The following SPINK14 variants were observed in gnomAD, a reference collection of about 807,000 sequenced individuals.
The protein encoded by SPINK14 is serine peptidase inhibitor Kazal type 14 (putative), also known as serine protease inhibitor Kazal-type 14.
SPINK14 carries 6 observed loss-of-function variants against 14.2 expected under a neutral mutation model. That is an observed-to-expected ratio of 0.42 (90% confidence interval 0.23 to 0.83). The LOEUF is 0.83. Among genes scored for constraint, SPINK14 ranks in the 40% least tolerant of loss-of-function variants. The pLI, the probability that SPINK14 is intolerant of heterozygous loss-of-function variation, is 0.28. For synonymous variants in SPINK14, 34 were observed against 36.8 expected (o/e 0.92, Z 0.27); for missense variants, 86 against 108.3 (o/e 0.79, Z 0.91).
At chr5:148,168,974 A>G (rs914826574) in intron 1 of SPINK14, among the ~76,000 whole-genome samples, 19 of 152,170 alleles carry the variant, frequency 1.2e-4, no homozygotes, top group African/African-American at 4.6e-4. Flanking sequence ...GAACAGTTAA[A>G]TGTGGTCCTT....
intron 3 of SPINK14, 133 bp downstream of exon 3, chr5:148,171,106 G>T (rs1755099335): frequency 1.3e-6 from 1 of 794,260 alleles, no homozygotes; most frequent in Non-Finnish European, 2.1e-6. Context: ...GTACGAGGGT[G>T]GTGGATACAC....
chr5:148,175,522 C>T lies in SPINK14; in HGVS notation c.*124C>T, dbSNP rs1755157450. On this transcript the variant is annotated 3_prime_UTR_variant, in exon 5 of 5. Transcript: ENST00000356972. The stretch of plus-strand genomic sequence containing the variant: ...ATGACAAAGAGCTATCACTACTGAG[C>T]TTGTAGCAGATTGTTCAAAGTTCCT... 1.4e-6 allele frequency: 1 copy of T among 712,556 alleles called. No individual in the cohort carries two copies. Among genetic ancestry groups the T allele is most frequent in the Non-Finnish European group, 2.4e-6 (1 of 424,668 alleles). 44.1% of individuals were successfully genotyped at this position (712,556 alleles called of 1,614,324 possible). A position where few individuals can be genotyped will look rare whatever the true frequency, so the allele number is the denominator to read the frequency against.
chr5:148,171,759 G>T (rs1020610827), intron 3 of SPINK14, among the ~76,000 whole-genome samples: 8 of 152,042 alleles, frequency 5.3e-5, no homozygotes, highest in African/African-American at 1.9e-4. Flanking sequence ...CTACCTTCAA[G>T]AGACCCGGGG....
chr5:148,175,244 T>C, intron 4 of SPINK14, 109 bp from the exon 5 acceptor site: 3 of 717,640 alleles, frequency 4.2e-6, no homozygotes, highest in Non-Finnish European at 2.3e-6. Context: ...CTCTGGATCT[T>C]AGTTTTTCCA....
chr5:148,170,101 ATG>A (rs1486687299), intron 2 of SPINK14, among the ~76,000 whole-genome samples: 46 of 40,316 alleles, frequency 1.1e-3, no homozygotes, highest in Non-Finnish European at 2.6e-3. Context: ...ATACACACAC[ATG>A]TATATATATA....
intron 3 of SPINK14, among the ~76,000 whole-genome samples, chr5:148,171,958 T>A (rs1433594505): frequency 3.3e-5 from 5 of 152,168 alleles, no homozygotes; most frequent in Admixed American, 6.6e-5. Context: ...TTTACTTATT[T>A]TCTTTAAAAA....
rs113568126 is a variant in SPINK14, at chr5:148,169,903, A to AAT, written c.67+115_67+116dup. 126 of 736,358 alleles carry AAT rather than the reference A, an allele frequency of 1.7e-4. 1 individual carries two copies. The highest frequency in any genetic ancestry group is 3.9e-4 in the South Asian group (21 of 54,246). The allele number at this position is 736,358 out of a possible 1,614,324, so 45.6% of individuals were successfully genotyped here. On this transcript the variant is annotated intron_variant, in intron 2 of 4. Transcript: ENST00000356972. ...TTGAAATTGTTCTTTAACTGGGATG[A>AAT]ATATATATATATGTGTATATATATA...
Position 148,175,494 on chromosome 5 carries a change from T to G in SPINK14, c.*96T>G. The G allele has an allele frequency of 1.1e-6, 1 of 924,032 alleles. No individual in the cohort carries two copies. The highest frequency in any genetic ancestry group is 1.7e-6 in the Non-Finnish European group (1 of 584,284). 57.2% of individuals were successfully genotyped at this position (924,032 alleles called of 1,614,324 possible). On this transcript the variant is annotated 3_prime_UTR_variant, in exon 5 of 5. Coordinates refer to ENST00000356972, the MANE Select transcript of SPINK14 (RefSeq NM_001001325.2). ...TTTTTACATCTCCTTGCATTTGTTCTTCATGACAAAGAGCTATCACTACTG... is the reference window on the plus strand; with the variant it reads ...TTTTTACATCTCCTTGCATTTGTTCGTCATGACAAAGAGCTATCACTACTG...
chr5:148,171,155 A>C lies in SPINK14; in HGVS notation c.111+182A>C, dbSNP rs558777219. The stretch of plus-strand genomic sequence containing the variant: ...CCCCAGAGTAGAGATCCAAACTTGG[A>C]ACCCAGACAACATTCACTCATACAT... On this transcript the variant is annotated intron_variant, in intron 3 of 4. Transcript: ENST00000356972. Among the ~76,000 whole-genome samples the C allele has an allele frequency of 1.3e-3, 195 of 152,260 alleles. 1 individual carries two copies. Among genetic ancestry groups the C allele is most frequent in the African/African-American group, 4.0e-3 (167 of 41,552 alleles).
chr5:148,173,855 AT>A (rs748334872), intron 3 of SPINK14, among the ~76,000 whole-genome samples: 3,358 of 68,460 alleles, frequency 0.049, 1,014 homozygotes, highest in African/African-American at 0.2. Flanking sequence ...CTATGCTTAG[AT>A]TTTTTTTTTT....
intron 2 of SPINK14, among the ~76,000 whole-genome samples, 167 bp downstream of exon 2, chr5:148,169,966 T>C (rs908440229): frequency 2.5e-5 from 1 of 39,752 alleles, no homozygotes; most frequent in African/African-American, 8.4e-5. Context: ...TGTATATATG[T>C]ATATATATAT....
chr5:148,174,980 C>A (rs1277834846), intron 4 of SPINK14, among the ~76,000 whole-genome samples: 1 of 152,086 alleles, frequency 6.6e-6, no homozygotes, highest in Non-Finnish European at 1.5e-5. Flanking sequence ...GTGCAAGGAG[C>A]AATGACAGGA....
intron 2 of SPINK14, 90 bp from the exon 3 acceptor site, chr5:148,170,840 T>C (rs574885014): frequency 8.8e-6 from 10 of 1,137,420 alleles, no homozygotes; most frequent in South Asian, 1.4e-5. Context: ...ACTTCCTTGA[T>C]AATAAATTAG....
At chr5:148,174,009 T>TAA (rs879797379) in intron 3 of SPINK14, among the ~76,000 whole-genome samples, 8 of 80,524 alleles carry the variant, frequency 9.9e-5, no homozygotes, top group Admixed American at 2.3e-4. Context: ...CCAGGCTAAT[T>TAA]AAAAAAAAAA....
chr5:148,175,527 A>G lies in SPINK14; in HGVS notation c.*129A>G. 1.4e-6 allele frequency: 1 copy of G among 690,754 alleles called. No homozygotes were observed. Among genetic ancestry groups the G allele is most frequent in the East Asian group, 3.0e-5 (1 of 33,650 alleles). The allele number at this position is 690,754 out of a possible 1,614,324, so 42.8% of individuals were successfully genotyped here. On this transcript the variant is annotated 3_prime_UTR_variant, in exon 5 of 5. Transcript: ENST00000356972. ...AAAGAGCTATCACTACTGAGCTTGTAGCAGATTGTTCAAAGTTCCTTCCAT... is the reference window on the plus strand; with the variant it reads ...AAAGAGCTATCACTACTGAGCTTGTGGCAGATTGTTCAAAGTTCCTTCCAT...
At chr5:148,169,633 T>C (rs1215728655) in intron 1 of SPINK14, 28 bp from the exon 2 acceptor site, 2 of 906,898 alleles carry the variant, frequency 2.2e-6, no homozygotes, top group South Asian at 3.3e-5. Flanking sequence ...GTAAAAGTCA[T>C]CTTAAATCCT....
rs760238231 is a variant in SPINK14 at position 148,169,721 on chromosome 5, C to G, written c.-12C>G. On this transcript the variant is annotated 5_prime_UTR_variant, in exon 2 of 5. Coordinates refer to ENST00000356972, the MANE Select transcript of SPINK14 (RefSeq NM_001001325.2). ...TTCAGAGCATCATTCCAAGGACACACCAGGAGGAAAAATGGCCAAATCTTT... is the reference window on the plus strand; with the variant it reads ...TTCAGAGCATCATTCCAAGGACACAGCAGGAGGAAAAATGGCCAAATCTTT... The G allele has an allele frequency of 6.2e-7, 1 of 1,606,346 alleles. No individual in the cohort carries two copies. The highest frequency in any genetic ancestry group is 8.5e-7 in the Non-Finnish European group (1 of 1,175,076).
intron 2 of SPINK14, among the ~76,000 whole-genome samples, chr5:148,170,061 GTATATACACACATATACATATACATA>G (rs1473100303): frequency 7.2e-6 from 1 of 139,470 alleles, no homozygotes; most frequent in Non-Finnish European, 1.5e-5. Flanking sequence ...CTCTATATTT[GTATATACACACATATACATATACATA>G]TATATACACA....
At chr5:148,172,398 G>C (rs945730972) in intron 3 of SPINK14, among the ~76,000 whole-genome samples, 31 of 152,264 alleles carry the variant, frequency 2.0e-4, no homozygotes, top group East Asian at 9.7e-4. Flanking sequence ...GAGAGAGAGA[G>C]AGAAAAGAAG....
Sources: gnomAD v4.1 joint callset for allele counts (sites outside exome capture counted in the v4.1 genomes callset) on GRCh38, gnomAD v4.1.1 for gene constraint, MANE v1.5 for transcripts, NCBI Gene and HGNC (gene_info 2026-07-23, HGNC 2026-07-21) for gene names.